The following PLCL1 variants were observed in gnomAD, a reference collection of about 807,000 sequenced individuals.
PLCL1 encodes phospholipase C like 1 (inactive).
Under a neutral mutation model 84.4 loss-of-function variants are expected in PLCL1, and 41 were observed. That is an observed-to-expected ratio of 0.49 (90% CI 0.38 to 0.63). The LOEUF (loss-of-function observed/expected upper bound fraction) is 0.63, where lower values mean the gene tolerates loss of function less well. Among genes scored for constraint, PLCL1 ranks in the 30% least tolerant of loss-of-function variants. PLCL1 has a pLI of 0.00. For synonymous variants in PLCL1, 490 were observed against 488.3 expected (o/e 1.00, Z -0.05); for missense variants, 1,206 against 1,367.8 (o/e 0.88, Z 1.87).
intron 1 of PLCL1, among the ~76,000 whole-genome samples, chr2:197,905,125 A>C (rs1574941693): frequency 6.6e-6 from 1 of 152,216 alleles, no homozygotes; most frequent in African/African-American, 2.4e-5. Context: ...AATGTGCAGA[A>C]TGTGCAGGTT....
chr2:197,823,895 CA>C (rs747430676), intron 1 of PLCL1, among the ~76,000 whole-genome samples: 2 of 152,124 alleles, frequency 1.3e-5, no homozygotes, highest in African/African-American at 4.8e-5. Flanking sequence ...TCTTGACAAA[CA>C]AAAGCACAAT....
chr2:197,984,753 C>T (rs930764074), intron 1 of PLCL1, among the ~76,000 whole-genome samples: 1 of 151,630 alleles, frequency 6.6e-6, no homozygotes, highest in Non-Finnish European at 1.5e-5. Context: ...ATTTATCTTA[C>T]TTACTGCATT....
chr2:198,073,375 T>C (rs1395221294), intron 1 of PLCL1, among the ~76,000 whole-genome samples: 1 of 152,194 alleles, frequency 6.6e-6, no homozygotes, highest in Non-Finnish European at 1.5e-5. Flanking sequence ...TCCTTGAACA[T>C]GAGCAGATGC....
At chr2:197,947,962 A>G (rs1689314900) in intron 1 of PLCL1, among the ~76,000 whole-genome samples, 1 of 152,124 alleles carries the variant, frequency 6.6e-6, no homozygotes, top group South Asian at 2.1e-4. Context: ...TAGAGGACAT[A>G]ATTAGGGGGT....
Position 197,855,815 on chromosome 2 carries a change from A to G in PLCL1, c.240+50476A>G, listed in dbSNP as rs911439426. Among the ~76,000 whole-genome samples the G allele has an allele frequency of 8.5e-5, 13 of 152,260 alleles. No individual in the cohort carries two copies. The East Asian group carries it at 2.1e-3, about 25-fold the overall frequency. Reference sequence around the variant, plus strand: ...TCCTGATTCAGATGACCAAAGACCAATTCAGTGGCTAAATTGTTAATGTCT... The same window carrying G: ...TCCTGATTCAGATGACCAAAGACCAGTTCAGTGGCTAAATTGTTAATGTCT... On this transcript the variant is annotated intron_variant, in intron 1 of 5. Transcript: ENST00000428675.
At chr2:198,095,908 T>A (rs1190640796) in intron 3 of PLCL1, among the ~76,000 whole-genome samples, 2 of 152,226 alleles carry the variant, frequency 1.3e-5, no homozygotes, top group East Asian at 3.8e-4. Flanking sequence ...ATAGTCATGA[T>A]AGAACGAATG....
At chr2:198,117,021 G>A (rs2105924536) in intron 5 of PLCL1, among the ~76,000 whole-genome samples, 2 of 151,904 alleles carry the variant, frequency 1.3e-5, no homozygotes, top group South Asian at 4.1e-4. Context: ...TAATCAACTA[G>A]AATATTCTGG....
chr2:197,967,139 C>A (rs1689760103), intron 1 of PLCL1, among the ~76,000 whole-genome samples: 1 of 152,106 alleles, frequency 6.6e-6, no homozygotes, highest in Admixed American at 6.5e-5. Flanking sequence ...CTTGCTCCTG[C>A]AACCTTACAA....
intron 1 of PLCL1, among the ~76,000 whole-genome samples, chr2:197,901,267 A>G (rs947111345): frequency 3.3e-5 from 5 of 152,238 alleles, no homozygotes; most frequent in African/African-American, 2.4e-5. Flanking sequence ...GTAAGACATT[A>G]TAAGGCATAG....
At chr2:197,921,810 C>T (rs1688702950) in intron 1 of PLCL1, among the ~76,000 whole-genome samples, 1 of 152,084 alleles carries the variant, frequency 6.6e-6, no homozygotes. Context: ...TTTCTCTCAT[C>T]AGAATTTTTA....
chr2:198,139,012 G>A (rs1694321045), intron 5 of PLCL1, among the ~76,000 whole-genome samples: 2 of 152,098 alleles, frequency 1.3e-5, no homozygotes, highest in South Asian at 2.1e-4. Context: ...AAAATCAACT[G>A]GGTCTGGTGG....
At chr2:198,133,596 A>T in intron 5 of PLCL1, among the ~76,000 whole-genome samples, 1 of 151,840 alleles carries the variant, frequency 6.6e-6, no homozygotes, top group East Asian at 1.9e-4. Flanking sequence ...GAGTGATGGT[A>T]TTTGACATTT....
intron 1 of PLCL1, among the ~76,000 whole-genome samples, chr2:197,942,409 C>T (rs1689176891): frequency 1.3e-5 from 2 of 152,150 alleles, no homozygotes; most frequent in East Asian, 1.9e-4. Flanking sequence ...ACCAAACTTC[C>T]AGAAAGAATG....
chr2:197,885,729 T>C (rs981645375), intron 1 of PLCL1, among the ~76,000 whole-genome samples: 1 of 152,224 alleles, frequency 6.6e-6, no homozygotes, highest in Admixed American at 6.5e-5. Context: ...CATCCTTTGT[T>C]TCGCTATCTA....
At chr2:197,815,914 T>C (rs1422755472) in intron 1 of PLCL1, among the ~76,000 whole-genome samples, 1 of 152,182 alleles carries the variant, frequency 6.6e-6, no homozygotes, top group African/African-American at 2.4e-5. Flanking sequence ...AATTGGTTTC[T>C]TGAGATGGAT....
intron 1 of PLCL1, among the ~76,000 whole-genome samples, chr2:197,949,019 A>C (rs1350852534): frequency 6.6e-6 from 1 of 152,238 alleles, no homozygotes; most frequent in South Asian, 2.1e-4. Flanking sequence ...CCTTCACAGA[A>C]AGTCCTCCTG....
chr2:198,048,881 G>A (rs1006067026), intron 1 of PLCL1, among the ~76,000 whole-genome samples: 1 of 152,200 alleles, frequency 6.6e-6, no homozygotes, highest in African/African-American at 2.4e-5. Context: ...ATGAATTTTG[G>A]GGAGCATAAG....
At chr2:198,011,938 A>C (rs879471082) in intron 1 of PLCL1, among the ~76,000 whole-genome samples, 3 of 152,046 alleles carry the variant, frequency 2.0e-5, no homozygotes, top group Non-Finnish European at 2.9e-5. Context: ...TCCTCTCTGT[A>C]GGTTCCTGTT....
intron 1 of PLCL1, among the ~76,000 whole-genome samples, chr2:197,899,672 G>A (rs1209991831): frequency 1.0e-4 from 13 of 124,732 alleles, no homozygotes; most frequent in Admixed American, 2.9e-4. Flanking sequence ...GTCTCGCTCT[G>A]TCGCCCAGGC....
Sources: gnomAD v4.1 joint callset for allele counts (sites outside exome capture counted in the v4.1 genomes callset) on GRCh38, gnomAD v4.1.1 for gene constraint, MANE v1.5 for transcripts, NCBI Gene and HGNC (gene_info 2026-07-23, HGNC 2026-07-21) for gene names.